Variants in SLC30A8 observed in about 807,000 individuals in gnomAD.
The protein encoded by SLC30A8 is proton-coupled zinc antiporter SLC30A8.
SLC30A8 carries 27 observed loss-of-function variants against 36.9 expected under a neutral mutation model. The ratio of observed to expected loss-of-function variants is 0.73; its 90% CI spans 0.54 to 1.01. The LOEUF (loss-of-function observed/expected upper bound fraction) is 1.01. Ranked by LOEUF, SLC30A8 falls within the 50% of genes least tolerant of loss-of-function variation. The pLI is 0.00. For synonymous variants in SLC30A8, 164 were observed against 172.4 expected, an observed-to-expected ratio of 0.95 and a Z score of 0.38; for missense variants, 439 against 452.0, an observed-to-expected ratio of 0.97 and a Z score of 0.26.
intron 1 of SLC30A8, among the ~76,000 whole-genome samples, chr8:117,009,882 T>G (rs1816292541): frequency 6.6e-6 from 1 of 152,248 alleles, no homozygotes; most frequent in Non-Finnish European, 1.5e-5. Context: ...CTTTGGAAAT[T>G]GCTCATTTTT....
intron 1 of SLC30A8, among the ~76,000 whole-genome samples, chr8:117,145,622 T>G (rs1821861330): frequency 6.6e-6 from 1 of 152,140 alleles, no homozygotes; most frequent in Non-Finnish European, 1.5e-5. Flanking sequence ...TGTACATGAG[T>G]TTATTTTTAA....
chr8:117,110,255 T>C (rs1369330857), intron 2 of SLC30A8, among the ~76,000 whole-genome samples: 3 of 150,030 alleles, frequency 2.0e-5, no homozygotes, highest in Non-Finnish European at 4.4e-5. Context: ...CTCAGCAACA[T>C]TACTTAAAAA....
At chr8:117,069,061 T>C (rs1818251965) in intron 2 of SLC30A8, among the ~76,000 whole-genome samples, 2 of 152,196 alleles carry the variant, frequency 1.3e-5, no homozygotes, top group Admixed American at 1.3e-4. Context: ...GAATTAGCCA[T>C]AGATGACTTT....
intron 1 of SLC30A8, among the ~76,000 whole-genome samples, chr8:116,965,932 G>T: frequency 7.0e-6 from 1 of 143,736 alleles, no homozygotes; most frequent in African/African-American, 2.6e-5. Flanking sequence ...TACCCAGGCT[G>T]GGGTGCAGTG....
At chr8:117,111,000 C>T (rs1180230664) in intron 2 of SLC30A8, among the ~76,000 whole-genome samples, 7 of 152,116 alleles carry the variant, frequency 4.6e-5, no homozygotes, top group African/African-American at 1.2e-4. Context: ...GGCTTAGAAT[C>T]TGAAATCAAA....
intron 1 of SLC30A8, among the ~76,000 whole-genome samples, chr8:116,976,242 C>T (rs199546398): frequency 6.7e-4 from 79 of 118,048 alleles, no homozygotes; most frequent in Middle Eastern, 4.2e-3. Context: ...AGTTCTCTCT[C>T]TTTTTTTTTT....
chr8:116,991,792 C>CT (rs1354721480), intron 1 of SLC30A8, among the ~76,000 whole-genome samples: 1 of 152,114 alleles, frequency 6.6e-6, no homozygotes, highest in Non-Finnish European at 1.5e-5. Flanking sequence ...ATTTAAATTA[C>CT]TTTTTTTGAC....
At chr8:116,954,621 A>G (rs995460802) in intron 1 of SLC30A8, among the ~76,000 whole-genome samples, 1 of 152,162 alleles carries the variant, frequency 6.6e-6, no homozygotes, top group African/African-American at 2.4e-5. Context: ...TAGGTGTAGA[A>G]TCTGAGTAAT....
intron 1 of SLC30A8, among the ~76,000 whole-genome samples, chr8:116,993,798 G>A (rs1017434941): frequency 1.3e-5 from 2 of 151,876 alleles, no homozygotes; most frequent in East Asian, 1.9e-4. Flanking sequence ...GAAAATATCC[G>A]ATCTGAAAGA....
At chr8:117,105,523 GATTT>G (rs1245664414) in intron 2 of SLC30A8, among the ~76,000 whole-genome samples, 1 of 152,060 alleles carries the variant, frequency 6.6e-6, no homozygotes, top group Non-Finnish European at 1.5e-5. Flanking sequence ...ACGCATACAT[GATTT>G]ATTTTAAGAA....
intron 6 of SLC30A8, among the ~76,000 whole-genome samples, chr8:117,163,732 A>T (rs1296267610): frequency 6.6e-6 from 1 of 152,190 alleles, no homozygotes; most frequent in African/African-American, 2.4e-5. Flanking sequence ...TTCTTGCTCT[A>T]GCAACTGTTA....
rs55767815 is a variant in SLC30A8 at position 117,110,620 on chromosome 8, C to T, written c.-225-24660C>T. Among the ~76,000 whole-genome samples the T allele has an allele frequency of 6.4e-3, 970 of 152,224 alleles. 2 individuals are homozygous for T. Among genetic ancestry groups the T allele is most frequent in the Middle Eastern group, 0.02 (6 of 294 alleles). On this transcript the variant is annotated intron_variant, in intron 2 of 10. Transcript: ENST00000427715. ...TCAGGGGGATAAAGTGTCCTGAGCC[C>T]CAGACTCTCTGAGAGGATCAAGGAA...
At chr8:116,995,122 T>C (rs1815772586) in intron 1 of SLC30A8, among the ~76,000 whole-genome samples, 1 of 152,114 alleles carries the variant, frequency 6.6e-6, no homozygotes, top group Admixed American at 6.5e-5. Flanking sequence ...AGAAGAGATC[T>C]CGGCTCTAAA....
intron 2 of SLC30A8, among the ~76,000 whole-genome samples, chr8:117,067,865 G>A (rs181539211): frequency 2.0e-5 from 3 of 152,182 alleles, no homozygotes; most frequent in Admixed American, 1.3e-4. Context: ...TGGGAAATGG[G>A]GGGCTCCTAA....
At chr8:116,996,696 G>A (rs1021097594) in intron 1 of SLC30A8, among the ~76,000 whole-genome samples, 5 of 152,078 alleles carry the variant, frequency 3.3e-5, no homozygotes, top group Non-Finnish European at 7.4e-5. Context: ...GGCAAACCCC[G>A]TGTATGCTGT....
intron 1 of SLC30A8, among the ~76,000 whole-genome samples, chr8:116,969,420 G>A (rs146705398): frequency 1.3e-5 from 2 of 152,100 alleles, no homozygotes; most frequent in African/African-American, 4.8e-5. Flanking sequence ...TCTGTGCCTG[G>A]TTTACCCATC....
At chr8:117,056,826 C>T (rs568375670) in intron 2 of SLC30A8, among the ~76,000 whole-genome samples, 4 of 152,228 alleles carry the variant, frequency 2.6e-5, no homozygotes, top group African/African-American at 7.2e-5. Context: ...AAATAGGTGG[C>T]CACTCTTAGA....
intron 1 of SLC30A8, among the ~76,000 whole-genome samples, chr8:117,018,542 G>A (rs1328025570): frequency 2.6e-5 from 4 of 152,152 alleles, no homozygotes; most frequent in East Asian, 1.9e-4. Flanking sequence ...TGATAGCACT[G>A]CTGTGTTGGA....
intron 2 of SLC30A8, among the ~76,000 whole-genome samples, chr8:117,063,052 C>T (rs1461459895): frequency 6.6e-6 from 1 of 152,116 alleles, no homozygotes; most frequent in East Asian, 1.9e-4. Context: ...TCCAACAATG[C>T]GAGTTCATGG....
Sources: allele counts gnomAD v4.1 joint callset (sites outside exome capture counted in the v4.1 genomes callset), GRCh38; gene constraint gnomAD v4.1.1; transcripts MANE v1.5; gene names NCBI Gene and HGNC (gene_info 2026-07-23, HGNC 2026-07-21).